Variants in SLC25A14 observed in about 807,000 individuals in gnomAD.
The protein encoded by SLC25A14 is solute carrier family 25 member 14, also known as brain mitochondrial carrier protein 1.
In SLC25A14, 8 loss-of-function variants were observed where a neutral mutation model predicts 28.1. That is an observed-to-expected ratio of 0.28 (90% confidence interval 0.17 to 0.51). The LOEUF is 0.51. SLC25A14 is among the 20% of genes least tolerant of loss of function. The pLI, the probability that SLC25A14 is intolerant of heterozygous loss-of-function variation, is 0.97. For synonymous variants in SLC25A14, 74 were observed against 90.6 expected (o/e 0.82, Z 1.04); for missense variants, 135 against 263.8 (o/e 0.51, Z 3.38).
intron 9 of SLC25A14, 76 bp downstream of exon 9, chrX:130,365,752 G>A (rs1301499208): frequency 1.4e-6 from 1 of 703,057 alleles, no homozygotes; most frequent in Non-Finnish European, 2.2e-6. Flanking sequence ...CTTATTATTA[G>A]TTGCTACATA....
chrX:130,352,345 T>G (rs1003019281), intron 6 of SLC25A14, among the ~76,000 whole-genome samples: 1 of 112,348 alleles, frequency 8.9e-6, no homozygotes, highest in African/African-American at 3.2e-5. Context: ...TGATTCCATG[T>G]CTTTGCTATT....
At chrX:130,367,935 A>T (rs2034159774) in intron 9 of SLC25A14, among the ~76,000 whole-genome samples, 1 of 112,380 alleles carries the variant, frequency 8.9e-6, no homozygotes, top group Non-Finnish European at 1.9e-5. Flanking sequence ...GGTGCCCGCC[A>T]CTACGCCTGG....
At chrX:130,345,382 T>C (rs2033400025) in intron 3 of SLC25A14, 107 bp downstream of exon 3, 1 of 508,497 alleles carries the variant, frequency 2.0e-6, no homozygotes. Flanking sequence ...GCTCGCCTTA[T>C]TTTGAAAATT....
chrX:130,359,063 C>A, intron 7 of SLC25A14: 1 of 969,941 alleles, frequency 1.0e-6, no homozygotes. Context: ...TGTTCAAAAG[C>A]TGTTACCGGC....
chrX:130,354,259 G>C (rs1040729440), intron 6 of SLC25A14, among the ~76,000 whole-genome samples: 1 of 110,159 alleles, frequency 9.1e-6, no homozygotes, highest in Non-Finnish European at 1.9e-5. Context: ...GACTACAGGC[G>C]CCCGCCACCA....
intron 4 of SLC25A14, 21 bp from the exon 5 acceptor site, chrX:130,349,230 T>G: frequency 1.8e-6 from 2 of 1,087,136 alleles, no homozygotes; most frequent in Non-Finnish European, 2.5e-6. Context: ...GAGAATAACT[T>G]TTTACTTTTT....
At chrX:130,346,802 AATTCAGT>A in intron 4 of SLC25A14, 111 bp downstream of exon 4, 1 of 634,404 alleles carries the variant, frequency 1.6e-6, no homozygotes, top group Non-Finnish European at 2.4e-6. Context: ...TTCAACTTGT[AATTCAGT>A]ATTGATATGC....
At chrX:130,370,521 A>C (rs2034237704) in intron 9 of SLC25A14, among the ~76,000 whole-genome samples, 1 of 112,135 alleles carries the variant, frequency 8.9e-6, no homozygotes, top group Admixed American at 9.5e-5. Flanking sequence ...TTTATCATTT[A>C]ATTCTCATAA....
At chrX:130,365,433 T>A (rs2034091802) in intron 8 of SLC25A14, 108 bp from the exon 9 acceptor site, 2 of 1,073,763 alleles carry the variant, frequency 1.9e-6, no homozygotes, top group Non-Finnish European at 2.4e-6. Flanking sequence ...GTGCCAGGTT[T>A]TATCTGATGG....
At chrX:130,360,721 A>G (rs2033942766) in intron 7 of SLC25A14, among the ~76,000 whole-genome samples, 2 of 112,237 alleles carry the variant, frequency 1.8e-5, no homozygotes, top group Non-Finnish European at 3.8e-5. Context: ...GAACAAAAAC[A>G]GAGGAATAAA....
intron 1 of SLC25A14, 36 bp downstream of exon 1, chrX:130,340,012 C>G: frequency 1.1e-6 from 1 of 944,444 alleles, no homozygotes; most frequent in East Asian, 5.0e-5. Flanking sequence ...GGCTGGGGAG[C>G]GGGGCTGGGC....
chrX:130,340,847 A>C (rs2033234623), intron 2 of SLC25A14, among the ~76,000 whole-genome samples: 1 of 111,386 alleles, frequency 9.0e-6, no homozygotes. Context: ...TGTTAAACAC[A>C]CACACACAAA....
chrX:130,344,350 AAG>A (rs1569450350), intron 2 of SLC25A14, among the ~76,000 whole-genome samples: 1 of 111,635 alleles, frequency 9.0e-6, no homozygotes, highest in Non-Finnish European at 1.9e-5. Context: ...AATAAAATCC[AAG>A]AGAGAGCAAG....
chrX:130,356,604 C>T (rs1340304923), intron 6 of SLC25A14, among the ~76,000 whole-genome samples: 1 of 111,071 alleles, frequency 9.0e-6, no homozygotes, highest in Non-Finnish European at 1.9e-5. Context: ...AAGCAAGACA[C>T]TGGGAAGTTT....
intron 3 of SLC25A14, among the ~76,000 whole-genome samples, 163 bp from the exon 4 acceptor site, chrX:130,346,381 C>T (rs909272978): frequency 1.8e-5 from 2 of 111,987 alleles, no homozygotes; most frequent in African/African-American, 6.5e-5. Flanking sequence ...TCACTTACCA[C>T]ATGCAACTCA....
chrX:130,361,484 C>T (rs2266915), intron 7 of SLC25A14, among the ~76,000 whole-genome samples: 39,570 of 111,656 alleles, frequency 0.35, 5,400 homozygotes, highest in Non-Finnish European at 0.44. Context: ...ACAGGACTTA[C>T]TTTTTCATTT....
At chrX:130,351,906 AC>A (rs2033630659) in intron 6 of SLC25A14, among the ~76,000 whole-genome samples, 1 of 111,891 alleles carries the variant, frequency 8.9e-6, no homozygotes. Flanking sequence ...TTTTAGGTTT[AC>A]AGAACAAGTT....
At chrX:130,370,664 ACAGACT>A (rs1317234628) in intron 9 of SLC25A14, among the ~76,000 whole-genome samples, 9 of 112,148 alleles carry the variant, frequency 8.0e-5, no homozygotes, top group Non-Finnish European at 3.8e-5. Context: ...TAATGATGAA[ACAGACT>A]CAGAGAAGAA....
chrX:130,366,721 T>TA (rs1473920195), intron 9 of SLC25A14, among the ~76,000 whole-genome samples: 1 of 112,311 alleles, frequency 8.9e-6, no homozygotes, highest in Non-Finnish European at 1.9e-5. Context: ...TGAAAGTTTT[T>TA]AATCAGATTA....
Sources: allele counts gnomAD v4.1 joint callset (sites outside exome capture counted in the v4.1 genomes callset), GRCh38; gene constraint gnomAD v4.1.1; transcripts MANE v1.5; gene names NCBI Gene and HGNC (gene_info 2026-07-23, HGNC 2026-07-21).